Variants in EGFL6 observed in about 807,000 individuals in gnomAD.
The protein encoded by EGFL6 is EGF like domain multiple 6.
A neutral mutation model predicts 43.1 loss-of-function variants in EGFL6; 42 were observed. That is an observed-to-expected ratio of 0.98 (90% CI 0.76 to 1.26). The LOEUF (loss-of-function observed/expected upper bound fraction) is 1.26, where lower values mean the gene tolerates loss of function less well. Ranked by LOEUF, EGFL6 falls within the 50% of genes most tolerant of loss-of-function variation. The pLI, the probability that EGFL6 is intolerant of heterozygous loss-of-function variation, is 0.00. For synonymous variants in EGFL6, 164 were observed against 163.2 expected (o/e 1.01, Z -0.04); for missense variants, 429 against 427.8 (o/e 1.00, Z -0.02).
At chrX:13,623,376 G>GGTTTTTTTTTTTT (rs2045759205) in intron 9 of EGFL6, among the ~76,000 whole-genome samples, 1 of 41,033 alleles carries the variant, frequency 2.4e-5, no homozygotes, top group African/African-American at 1.2e-4. Context: ...TTTTATTTTG[G>GGTTTTTTTTTTTT]GTTTTTTTTT....
intron 4 of EGFL6, among the ~76,000 whole-genome samples, chrX:13,600,916 A>G (rs2045631082): frequency 9.1e-6 from 1 of 109,757 alleles, no homozygotes; most frequent in South Asian, 3.9e-4. Flanking sequence ...ATCGAGTTCC[A>G]GAAGATCTTC....
chrX:13,593,556 A>G lies in EGFL6; in HGVS notation c.188-1280A>G, dbSNP rs775230847. 1.5e-4 allele frequency among the ~76,000 whole-genome samples: 17 copies of G among 111,845 alleles called. No homozygotes were observed. The East Asian group carries it at 4.5e-3, about 30-fold the overall frequency. On this transcript the variant is annotated intron_variant, in intron 2 of 11. Coordinates refer to ENST00000361306, the MANE Select transcript of EGFL6 (RefSeq NM_015507.4). Reference sequence around the variant, plus strand: ...TTGCACCAGAGTTTGTCCTGCCAAGAAACAAGGAACTAGGCTGTTAGACTC... The same window carrying G: ...TTGCACCAGAGTTTGTCCTGCCAAGGAACAAGGAACTAGGCTGTTAGACTC...
At chrX:13,573,227 C>T (rs943846043) in intron 1 of EGFL6, among the ~76,000 whole-genome samples, 17 of 111,446 alleles carry the variant, frequency 1.5e-4, no homozygotes, top group Non-Finnish European at 2.4e-4. Context: ...GGGGTGGGGG[C>T]GTTATTCAGC....
chrX:13,597,627 T>C (rs949742759), intron 3 of EGFL6, among the ~76,000 whole-genome samples: 4 of 111,006 alleles, frequency 3.6e-5, no homozygotes, highest in Non-Finnish European at 5.7e-5. Flanking sequence ...CTACTAAAAA[T>C]ACAAAAATTA....
Position 13,569,667 on chromosome X carries a change from T to A in EGFL6, c.-195T>A. 6.2e-5 allele frequency: 17 copies of A among 274,468 alleles called. No individual in the cohort carries two copies. The highest frequency in any genetic ancestry group is 7.7e-5 in the Non-Finnish European group (12 of 156,155). 22.6% of individuals were successfully genotyped at this position (274,468 alleles called of 1,213,427 possible). A position where few individuals can be genotyped will look rare whatever the true frequency, so the allele number is the denominator to read the frequency against. On this transcript the variant is annotated 5_prime_UTR_variant, in exon 1 of 12. Transcript: ENST00000361306. ...GGCTTGCCAGGGCGCCCCCAGCCCC[T>A]CCCCAGGCCGCGAGCGCCCCTGCCG...
chrX:13,576,980 T>C (rs910688639), intron 1 of EGFL6, among the ~76,000 whole-genome samples: 10 of 111,250 alleles, frequency 9.0e-5, no homozygotes, highest in African/African-American at 3.3e-4. Context: ...TGTGAAGGTC[T>C]TGTTTATGAA....
At chrX:13,584,793 A>T (rs941202726) in intron 1 of EGFL6, among the ~76,000 whole-genome samples, 1 of 111,894 alleles carries the variant, frequency 8.9e-6, no homozygotes, top group Non-Finnish European at 1.9e-5. Context: ...CCAGTGTCTG[A>T]TACATTATAG....
At chrX:13,623,376 G>GTTTTTTTTTTTTTTTTT (rs1569209997) in intron 9 of EGFL6, among the ~76,000 whole-genome samples, 9 of 41,026 alleles carry the variant, frequency 2.2e-4, no homozygotes, top group Admixed American at 1.0e-3. Flanking sequence ...TTTTATTTTG[G>GTTTTTTTTTTTTTTTTT]GTTTTTTTTT....
intron 1 of EGFL6, among the ~76,000 whole-genome samples, chrX:13,577,639 T>C (rs894957046): frequency 1.8e-5 from 2 of 110,865 alleles, no homozygotes; most frequent in African/African-American, 3.3e-5. Flanking sequence ...ATTCCAATGC[T>C]TAATTCCTAG....
At chrX:13,571,745 G>A (rs2045444220) in intron 1 of EGFL6, among the ~76,000 whole-genome samples, 1 of 112,318 alleles carries the variant, frequency 8.9e-6, no homozygotes, top group Non-Finnish European at 1.9e-5. Context: ...TTATGAGCTG[G>A]TGTGTTTATT....
At chrX:13,629,229 T>C (rs992686837) in intron 11 of EGFL6, among the ~76,000 whole-genome samples, 1 of 112,152 alleles carries the variant, frequency 8.9e-6, no homozygotes, top group Non-Finnish European at 1.9e-5. Flanking sequence ...TCTTGTTGTG[T>C]TTGCAGCATG....
intron 1 of EGFL6, among the ~76,000 whole-genome samples, chrX:13,587,757 C>T: frequency 8.9e-6 from 1 of 112,189 alleles, no homozygotes; most frequent in Non-Finnish European, 1.9e-5. Context: ...TACTTGAATG[C>T]ATATGTTTCC....
At chrX:13,617,700 T>A (rs764218587) in intron 7 of EGFL6, 30 bp from the exon 8 acceptor site, 1 of 1,110,660 alleles carries the variant, frequency 9.0e-7, no homozygotes, top group Admixed American at 2.7e-5. Flanking sequence ...ATCTTCCAAT[T>A]TGGAACATAT....
chrX:13,625,792 G>A (rs1266668415), intron 10 of EGFL6, among the ~76,000 whole-genome samples: 1 of 107,074 alleles, frequency 9.3e-6, no homozygotes, highest in Admixed American at 1.0e-4. Context: ...AGGCTGAAGT[G>A]GAAGGATCAC....
At chrX:13,572,940 G>A (rs2045450935) in intron 1 of EGFL6, among the ~76,000 whole-genome samples, 1 of 112,384 alleles carries the variant, frequency 8.9e-6, no homozygotes, top group African/African-American at 3.2e-5. Context: ...GGAGGCTCCA[G>A]GGAGGTTCCA....
chrX:13,596,995 C>G (rs1329530699), intron 3 of EGFL6, among the ~76,000 whole-genome samples: 4 of 111,850 alleles, frequency 3.6e-5, no homozygotes, highest in Non-Finnish European at 7.5e-5. Flanking sequence ...ATTTTGTCAT[C>G]CACAGGATAC....
At chrX:13,614,761 T>C (rs1415893428) in intron 7 of EGFL6, among the ~76,000 whole-genome samples, 1 of 109,172 alleles carries the variant, frequency 9.2e-6, no homozygotes, top group Non-Finnish European at 1.9e-5. Flanking sequence ...TTTTTTTTTT[T>C]TTTTGACATG....
At chrX:13,577,803 G>A (rs1029293177) in intron 1 of EGFL6, among the ~76,000 whole-genome samples, 1 of 112,434 alleles carries the variant, frequency 8.9e-6, no homozygotes. Flanking sequence ...AAGGCAGGCT[G>A]GAACCAGGCT....
intron 9 of EGFL6, among the ~76,000 whole-genome samples, chrX:13,623,131 G>C (rs990426950): frequency 9.1e-6 from 1 of 110,181 alleles, no homozygotes; most frequent in Non-Finnish European, 1.9e-5. Flanking sequence ...AGAGGCTGTA[G>C]TGAGCTGTGT....
Sources: gnomAD v4.1 joint callset for allele counts (sites outside exome capture counted in the v4.1 genomes callset) on GRCh38, gnomAD v4.1.1 for gene constraint, MANE v1.5 for transcripts, NCBI Gene and HGNC (gene_info 2026-07-23, HGNC 2026-07-21) for gene names.